KCNH1: variants seen among roughly 807,000 people sequenced by gnomAD.
The protein encoded by KCNH1 is potassium voltage-gated channel subfamily H member 1, also known as voltage-gated delayed rectifier potassium channel KCNH1.
KCNH1 carries 27 observed loss-of-function variants against 69.2 expected under a neutral mutation model. That is an observed-to-expected ratio of 0.39 (90% confidence interval 0.29 to 0.54). KCNH1 has a LOEUF of 0.54. KCNH1 is among the 20% of genes least tolerant of loss of function. The probability of loss-of-function intolerance (pLI) is 0.68; values close to 1 mark genes in which losing one functional copy is unlikely to be tolerated. For synonymous variants in KCNH1, 456 were observed against 487.7 expected (o/e 0.93, Z 0.86); for missense variants, 798 against 1,261.6 (o/e 0.63, Z 5.57).
At position 211,082,906 on chromosome 1, in the gene KCNH1, A is replaced by C; in HGVS notation, c.440-8T>G. The C allele has an allele frequency of 6.2e-7, 1 of 1,610,644 alleles. No individual in the cohort carries two copies. Among genetic ancestry groups the C allele is most frequent in the Non-Finnish European group, 8.5e-7 (1 of 1,177,450 alleles). ...GAGCAAACTTCCCCCAGCCTGAAGC[A>C]AGTGGAAGAGTGAAAAGACAGGGTC... On this transcript the variant is annotated splice_polypyrimidine_tract_variant and splice_region_variant and intron_variant, in intron 4 of 10. Coordinates refer to ENST00000271751, the MANE Select transcript of KCNH1 (RefSeq NM_172362.3).
chr1:211,033,375 A>G (rs1689829724), intron 5 of KCNH1, among the ~76,000 whole-genome samples: 1 of 152,198 alleles, frequency 6.6e-6, no homozygotes, highest in African/African-American at 2.4e-5. Context: ...AGGGATCTAG[A>G]ACTAGAAATA....
At chr1:210,798,043 T>TTC (rs1205546924) in intron 8 of KCNH1, among the ~76,000 whole-genome samples, 3 of 147,502 alleles carry the variant, frequency 2.0e-5, no homozygotes, top group African/African-American at 7.5e-5. Context: ...AAGGTGACTT[T>TTC]TTTTTTTTTT....
Position 211,133,725 on chromosome 1 carries a change from G to T in KCNH1, c.79+142C>A. 1.4e-6 allele frequency: 1 copy of T among 700,728 alleles called. No individual in the cohort carries two copies. The highest frequency in any genetic ancestry group is 2.5e-6 in the Non-Finnish European group (1 of 404,874). The allele number at this position is 700,728 out of a possible 1,614,324, so 43.4% of individuals were successfully genotyped here. A position where few individuals can be genotyped will look rare whatever the true frequency, so the allele number is the denominator to read the frequency against. On this transcript the variant is annotated intron_variant, in intron 1 of 10. Coordinates refer to ENST00000271751, the MANE Select transcript of KCNH1 (RefSeq NM_172362.3). This position sits in a 1 kb window ranked among gnomAD's most constrained non-coding sequence, Gnocchi z 5.4. Reference sequence around the variant, plus strand: ...TGCCCACCTTTCTCTGCCTCGGGGAGGCTGCCCTGGGTGCCCGCGCCGCGG... The same window carrying T: ...TGCCCACCTTTCTCTGCCTCGGGGATGCTGCCCTGGGTGCCCGCGCCGCGG...
chr1:211,020,854 A>T (rs12072849), intron 5 of KCNH1, among the ~76,000 whole-genome samples: 10,069 of 152,140 alleles, frequency 0.066, 868 homozygotes, highest in African/African-American at 0.2. Context: ...ATTAACAAAC[A>T]TGATGCATCA....
In KCNH1 at chr1:211,133,987, T is replaced by C; in HGVS notation, c.-42A>G. On this transcript the variant is annotated 5_prime_UTR_variant, in exon 1 of 11. Transcript: ENST00000271751. The surrounding 1 kb of genome is among the most constrained non-coding windows in gnomAD (Gnocchi z 5.4). The stretch of plus-strand genomic sequence containing the variant: ...GGTCCGGCGGGCGTCCTGGCGCGGC[T>C]TCTTACGACAGCAGGAAACTGGCCT... The C allele has an allele frequency of 6.4e-7, 1 of 1,564,562 alleles. No individual in the cohort carries two copies. The highest frequency in any genetic ancestry group is 8.8e-7 in the Non-Finnish European group (1 of 1,138,960).
chr1:210,699,680 A>G (rs1574190463), intron 10 of KCNH1, among the ~76,000 whole-genome samples: 1 of 152,092 alleles, frequency 6.6e-6, no homozygotes, highest in Admixed American at 6.5e-5. Context: ...CCCATCTCCA[A>G]TTTTCAATGA....
chr1:210,696,835 G>A (rs1681652749), intron 10 of KCNH1, among the ~76,000 whole-genome samples: 1 of 152,194 alleles, frequency 6.6e-6, no homozygotes, highest in Admixed American at 6.5e-5. Context: ...CCTGTGCAAG[G>A]AAGGGGGCAG....
rs192787949 is a variant in KCNH1 at position 210,970,587 on chromosome 1, T to C, written c.1032+48196A>G. On this transcript the variant is annotated intron_variant, in intron 6 of 10. Transcript: ENST00000271751. ...GTGCTGGGAAAACTGGCTAGCCATA[T>C]GCAGAAAACAAAAACTGGATCTCTT... is the stretch of plus-strand genomic sequence containing the variant. 1.2e-4 allele frequency among the ~76,000 whole-genome samples: 18 copies of C among 152,284 alleles called. 1 individual carries two copies. In the East Asian group the frequency reaches 3.3e-3, roughly 28 times the overall value.
At chr1:211,083,528 AG>A (rs1438184171) in intron 4 of KCNH1, among the ~76,000 whole-genome samples, 4 of 152,202 alleles carry the variant, frequency 2.6e-5, no homozygotes, top group Non-Finnish European at 5.9e-5. Flanking sequence ...AAGATGTCTG[AG>A]TGATCTTGAC....
intron 1 of KCNH1, among the ~76,000 whole-genome samples, chr1:211,127,442 A>G (rs1691796897): frequency 6.6e-6 from 1 of 152,084 alleles, no homozygotes; most frequent in Non-Finnish European, 1.5e-5. Context: ...AAAAAAAAAA[A>G]AAATCCCACC....
chr1:211,102,830 T>TA (rs1001467410), intron 3 of KCNH1, among the ~76,000 whole-genome samples: 5 of 152,180 alleles, frequency 3.3e-5, no homozygotes, highest in African/African-American at 9.7e-5. Flanking sequence ...CTAGTGTTTT[T>TA]AAAAAACAGA....
chr1:210,694,434 C>CA (rs771409931), intron 10 of KCNH1, among the ~76,000 whole-genome samples: 3 of 133,562 alleles, frequency 2.2e-5, no homozygotes, highest in Non-Finnish European at 3.5e-5. Flanking sequence ...GATCTGAAGC[C>CA]AAAAACAGCT....
chr1:210,760,220 A>C (rs1683488726), intron 10 of KCNH1, among the ~76,000 whole-genome samples: 1 of 152,144 alleles, frequency 6.6e-6, no homozygotes, highest in Non-Finnish European at 1.5e-5. Context: ...ATCCAAGGTC[A>C]ATGTGAAAGA....
At chr1:210,947,917 G>A (rs572096143) in intron 6 of KCNH1, among the ~76,000 whole-genome samples, 26 of 151,926 alleles carry the variant, frequency 1.7e-4, no homozygotes, top group Admixed American at 1.2e-3. Context: ...ATAATAAATC[G>A]AGATAATTGC....
chr1:210,933,437 A>G (rs1379159615), intron 6 of KCNH1, among the ~76,000 whole-genome samples: 1 of 152,100 alleles, frequency 6.6e-6, no homozygotes, highest in Non-Finnish European at 1.5e-5. Context: ...TGGGTGCAGC[A>G]CACCAGCATG....
intron 5 of KCNH1, among the ~76,000 whole-genome samples, chr1:211,031,542 A>G (rs1002187900): frequency 1.3e-5 from 2 of 152,294 alleles, no homozygotes; most frequent in African/African-American, 4.8e-5. Flanking sequence ...AAGCTTATCC[A>G]TGATCATGAT....
At chr1:210,844,793 GT>G (rs1685500895) in intron 7 of KCNH1, among the ~76,000 whole-genome samples, 1 of 152,092 alleles carries the variant, frequency 6.6e-6, no homozygotes, top group Non-Finnish European at 1.5e-5. Context: ...CCAGAAGCTG[GT>G]TTTTTGAAAA....
intron 7 of KCNH1, among the ~76,000 whole-genome samples, chr1:210,855,782 T>C (rs1685820785): frequency 6.6e-6 from 1 of 152,198 alleles, no homozygotes; most frequent in Admixed American, 6.5e-5. Flanking sequence ...GGCTGGACAC[T>C]GCTATTAATA....
chr1:210,921,232 T>G (rs1047500342), intron 6 of KCNH1, among the ~76,000 whole-genome samples: 2 of 152,188 alleles, frequency 1.3e-5, no homozygotes, highest in Admixed American at 1.3e-4. Flanking sequence ...CTAAGGTGAT[T>G]CCAAGATGTA....
Sources: gnomAD v4.1 joint callset for allele counts (sites outside exome capture counted in the v4.1 genomes callset) on GRCh38, gnomAD v4.1.1 for gene constraint, Gnocchi (gnomAD v3.1) non-coding constraint, MANE v1.5 for transcripts, NCBI Gene and HGNC (gene_info 2026-07-23, HGNC 2026-07-21) for gene names.